The following RYR2 variants were observed in gnomAD, a reference collection of about 807,000 sequenced individuals.
RYR2 encodes the protein ryanodine receptor 2.
RYR2 carries 227 observed loss-of-function variants against 601.1 expected under a neutral mutation model. The ratio of observed to expected loss-of-function variants is 0.38; its 90% CI spans 0.34 to 0.42. The LOEUF (loss-of-function observed/expected upper bound fraction) is 0.42. Ranked by LOEUF, RYR2 falls within the 10% of genes least tolerant of loss-of-function variation. RYR2 has a pLI of 1.00. For synonymous variants in RYR2, 2,223 were observed against 2,175.1 expected, an observed-to-expected ratio of 1.02 and a Z score of -0.61; for missense variants, 4,646 against 6,156.5, an observed-to-expected ratio of 0.75 and a Z score of 8.21.
At chr1:237,086,606 G>A (rs1666360356) in intron 1 of RYR2, among the ~76,000 whole-genome samples, 1 of 152,160 alleles carries the variant, frequency 6.6e-6, no homozygotes, top group Admixed American at 6.5e-5. Flanking sequence ...GACCTCAACA[G>A]GGAGCCAGCA....
intron 11 of RYR2, among the ~76,000 whole-genome samples, chr1:237,420,350 A>G (rs1041888750): frequency 1.7e-4 from 26 of 152,244 alleles, no homozygotes; most frequent in African/African-American, 6.3e-4. Context: ...TTAAAGGGTG[A>G]CATATCATAA....
At chr1:237,233,782 G>A (rs1339153740) in intron 1 of RYR2, among the ~76,000 whole-genome samples, 1 of 152,138 alleles carries the variant, frequency 6.6e-6, no homozygotes, top group Non-Finnish European at 1.5e-5. Flanking sequence ...AGCCTCCTGA[G>A]TAGCTGGGAT....
At chr1:237,622,595 T>C (rs1266705515) in intron 38 of RYR2, among the ~76,000 whole-genome samples, 1 of 152,178 alleles carries the variant, frequency 6.6e-6, no homozygotes, top group African/African-American at 2.4e-5. Context: ...TCTGCATCTA[T>C]GGATTCAACC....
At chr1:237,567,498 G>C (rs981351979) in intron 28 of RYR2, among the ~76,000 whole-genome samples, 1 of 151,806 alleles carries the variant, frequency 6.6e-6, no homozygotes, top group Non-Finnish European at 1.5e-5. Context: ...GCTGAGGTGA[G>C]AGGATTGCTT....
intron 76 of RYR2, among the ~76,000 whole-genome samples, chr1:237,728,112 A>AT (rs781411492): frequency 1.4e-4 from 22 of 152,048 alleles, no homozygotes; most frequent in Non-Finnish European, 2.8e-4. Context: ...GTTTTGTTCC[A>AT]TTTTCTTTCT....
At position 237,760,962 on chromosome 1, in the gene RYR2, G is replaced by A. The variant is rs1260070394; in HGVS notation, c.11410G>A (p.Asp3804Asn). Reference protein sequence around the residue: ...AGLMQSCSVLDLNAFERQNKA... With the variant: ...AGLMQSCSVLNLNAFERQNKA... ...TTTCCCTTGTTATTATAGTGTCCTT[G>A]ACCTAAATGCATTTGAGCGACAAAA... is the stretch of plus-strand genomic sequence containing the variant. The change falls in exon 84 of 105, where the codon GAC becomes AAC. Residue 3804 changes from aspartate to asparagine, a missense_variant. Coordinates refer to ENST00000366574, the MANE Select transcript of RYR2 (RefSeq NM_001035.3). 2 of 1,564,926 alleles carry A rather than the reference G, an allele frequency of 1.3e-6. No individual in the cohort carries two copies. Among genetic ancestry groups the A allele is most frequent in the Admixed American group, 3.7e-5 (2 of 53,788 alleles).
At chr1:237,749,235 C>A (rs778531037) in intron 80 of RYR2, among the ~76,000 whole-genome samples, 11 of 152,170 alleles carry the variant, frequency 7.2e-5, no homozygotes, top group South Asian at 2.1e-4. Flanking sequence ...TCATTAAGAG[C>A]AGACACTCAG....
At chr1:237,297,623 T>C (rs902080802) in intron 2 of RYR2, among the ~76,000 whole-genome samples, 1 of 152,022 alleles carries the variant, frequency 6.6e-6, no homozygotes, top group Non-Finnish European at 1.5e-5. Flanking sequence ...TGAAGTCTTC[T>C]CAGTTTCTAA....
At chr1:237,317,149 A>G (rs561319322) in intron 2 of RYR2, among the ~76,000 whole-genome samples, 66 of 152,286 alleles carry the variant, frequency 4.3e-4, no homozygotes, top group African/African-American at 1.5e-3. Flanking sequence ...TAAAATGCAA[A>G]ACTTCCAATT....
intron 77 of RYR2, 128 bp from the exon 78 acceptor site, chr1:237,731,918 A>ACACCC: frequency 1.6e-6 from 1 of 607,276 alleles, no homozygotes; most frequent in Admixed American, 2.7e-5. Flanking sequence ...ACACACACAC[A>ACACCC]CCCCACAACA....
At chr1:237,388,245 A>T in intron 10 of RYR2, 62 bp downstream of exon 10, 7 of 1,365,050 alleles carry the variant, frequency 5.1e-6, no homozygotes, top group Non-Finnish European at 6.2e-6. Context: ...AATGTTTTAA[A>T]AACTAGGGAT....
At position 237,550,566 on chromosome 1, in the gene RYR2, C is replaced by T. The variant is rs1404965456; in HGVS notation, c.3089C>T (p.Pro1030Leu). Reference protein sequence around the residue: ...IQQDVKNRRNPRLVPYTLLDD... With the variant: ...IQQDVKNRRNLRLVPYTLLDD... ...CAGGACGTAAAGAACAGAAGAAATC[C>T]TCGCCTTGTTCCCTACACTCTTCTG... is the stretch of plus-strand genomic sequence containing the variant. The change falls in exon 27 of 105, where the codon CCT (proline) becomes CTT (leucine). Residue 1030 changes from proline (P) to leucine (L), a missense_variant. Physicochemically the swap from Pro to Leu is moderately conservative, Grantham distance 98 (BLOSUM62 -3). Coordinates refer to ENST00000366574, the MANE Select transcript of RYR2 (RefSeq NM_001035.3). The T allele has an allele frequency of 2.9e-5, 46 of 1,609,396 alleles. No individual in the cohort carries two copies. Among genetic ancestry groups the T allele is most frequent in the Non-Finnish European group, 3.7e-5 (44 of 1,177,978 alleles).
At chr1:237,150,021 G>A (rs1203067915) in intron 1 of RYR2, among the ~76,000 whole-genome samples, 3 of 152,218 alleles carry the variant, frequency 2.0e-5, no homozygotes, top group African/African-American at 7.2e-5. Flanking sequence ...TATTATAAAA[G>A]CAAGCAACAT....
chr1:237,107,371 A>G (rs1668818943), intron 1 of RYR2, among the ~76,000 whole-genome samples: 1 of 151,196 alleles, frequency 6.6e-6, no homozygotes, highest in Non-Finnish European at 1.5e-5. Flanking sequence ...AATACAAAAA[A>G]TTAGCTGGAC....
chr1:237,449,065 A>G (rs1039294137), intron 14 of RYR2, among the ~76,000 whole-genome samples: 1 of 152,098 alleles, frequency 6.6e-6, no homozygotes, highest in African/African-American at 2.4e-5. Flanking sequence ...ACACACACAC[A>G]CGCCACCACC....
chr1:237,356,686 T>G (rs1699325191), intron 4 of RYR2, among the ~76,000 whole-genome samples: 1 of 152,138 alleles, frequency 6.6e-6, no homozygotes, highest in East Asian at 1.9e-4. Flanking sequence ...TTGCTTCTTT[T>G]GGTCTCGGTT....
chr1:237,489,135 G>A (rs1487425696), intron 17 of RYR2, among the ~76,000 whole-genome samples: 2 of 151,916 alleles, frequency 1.3e-5, no homozygotes, highest in African/African-American at 4.8e-5. Context: ...GTCTGACAAG[G>A]GTCTCATATC....
chr1:237,638,525 A>G (rs1573268245), intron 45 of RYR2, 33 bp downstream of exon 45: 1 of 1,609,724 alleles, frequency 6.2e-7, no homozygotes. Flanking sequence ...CTTTTGAGTT[A>G]TCATTAAAAC....
chr1:237,411,655 A>C (rs1460959912), intron 10 of RYR2, among the ~76,000 whole-genome samples: 1 of 152,148 alleles, frequency 6.6e-6, no homozygotes. Context: ...TTCATTCTTC[A>C]CAGTAACCCA....
Sources: gnomAD v4.1 joint callset for allele counts (sites outside exome capture counted in the v4.1 genomes callset) on GRCh38, gnomAD v4.1.1 for gene constraint, MANE v1.5 for transcripts, NCBI Gene and HGNC (gene_info 2026-07-23, HGNC 2026-07-21) for gene names.